The following MRPL55 variants were observed in gnomAD, a reference collection of about 807,000 sequenced individuals.
The protein encoded by MRPL55 is mitochondrial ribosomal protein L55.
MRPL55 carries 7 observed loss-of-function variants against 10.6 expected under a neutral mutation model. That is an observed-to-expected ratio of 0.66 (90% CI 0.38 to 1.24). The LOEUF is 1.24. Among genes scored for constraint, MRPL55 ranks in the 50% most tolerant of loss-of-function variants. The pLI is 0.02. For missense variants in MRPL55, 148 were observed against 180.3 expected, an observed-to-expected ratio of 0.82 and a Z score of 1.03; for synonymous variants, 57 against 71.8, an observed-to-expected ratio of 0.79 and a Z score of 1.04.
At position 228,108,216 on chromosome 1, in the gene MRPL55, C is replaced by A; in HGVS notation, c.26+19G>T. ...GGCCCCTGACAGTAATCCCCAGGGA[C>A]CTAAAAGTCCATGCTTACCCAAGCA... is the stretch of plus-strand genomic sequence containing the variant. On this transcript the variant is annotated intron_variant, in intron 3 of 4. Transcript: ENST00000336520. The A allele has an allele frequency of 6.2e-7, 1 of 1,609,426 alleles. No individual in the cohort carries two copies. The highest frequency in any genetic ancestry group is 8.5e-7 in the Non-Finnish European group (1 of 1,178,208).
rs148987410 is a variant in MRPL55, at chr1:228,108,700, G to A, written c.-59+255C>T. The A allele has an allele frequency of 4.9e-3, 885 of 182,036 alleles. 12 individuals carry two copies. The highest frequency in any genetic ancestry group is 0.019 in the African/African-American group (809 of 42,338). The allele number at this position is 182,036 out of a possible 1,614,324, so 11.3% of individuals were successfully genotyped here. ...GTGAGGATTGTCATGCTTGCTTAAA[G>A]GAGAATGGAGGCCCAGGGCTGCTTT... On this transcript the variant is annotated intron_variant, in intron 2 of 4. Coordinates refer to ENST00000336520, the MANE Select transcript of MRPL55 (RefSeq NM_181463.3).
chr1:228,109,118 CCT>C (rs1326838585), intron 1 of MRPL55, 29 bp downstream of exon 1: 2 of 152,580 alleles, frequency 1.3e-5, no homozygotes, highest in Admixed American at 1.3e-4. Context: ...GCGCCTCCCG[CCT>C]CTGTTCCCGG....
intron 3 of MRPL55, 177 bp downstream of exon 3, chr1:228,108,058 C>T: frequency 2.6e-6 from 4 of 1,540,822 alleles, no homozygotes; most frequent in Non-Finnish European, 3.5e-6. Flanking sequence ...GGCGTTCTGG[C>T]CCCCTAGCCA....
rs1044959052 is a variant in MRPL55 at position 228,109,254 on chromosome 1, T to C, written c.-231A>G. ...GACGAGGCCACGCAGGAGATCAAGGTACTCACTGCGTTGGGTGCTGCTGCG... is the reference window on the plus strand; with the variant it reads ...GACGAGGCCACGCAGGAGATCAAGGCACTCACTGCGTTGGGTGCTGCTGCG... On this transcript the variant is annotated 5_prime_UTR_variant, in exon 1 of 5. Coordinates refer to ENST00000336520, the MANE Select transcript of MRPL55 (RefSeq NM_181463.3). 13 of 152,538 alleles carry C rather than the reference T, an allele frequency of 8.5e-5. No individual in the cohort carries two copies. Among genetic ancestry groups the C allele is most frequent in the Admixed American group, 8.5e-4 (13 of 15,278 alleles). The allele number at this position is 152,538 out of a possible 1,614,324, so 9.4% of individuals were successfully genotyped here. A position where few individuals can be genotyped will look rare whatever the true frequency, so the allele number is the denominator to read the frequency against.
At chr1:228,108,711 G>A (rs1196380287) in intron 2 of MRPL55, 2 of 175,242 alleles carry the variant, frequency 1.1e-5, no homozygotes, top group African/African-American at 4.8e-5. Context: ...GAGAATGGAG[G>A]CCCAGGGCTG....
rs535504614 is a variant in MRPL55 at position 228,109,020 on chromosome 1, G to T, written c.-124C>A. ...GAAAGCTCCCTCTCCTTTCCTGCTA[G>T]ACTGCATGGGGACAAGGGCTTATCA... is the stretch of plus-strand genomic sequence containing the variant. On this transcript the variant is annotated splice_region_variant and 5_prime_UTR_variant, in exon 2 of 5. Coordinates refer to ENST00000336520, the MANE Select transcript of MRPL55 (RefSeq NM_181463.3). 7.4e-4 allele frequency: 113 copies of T among 152,752 alleles called. 2 individuals are homozygous for T. In the South Asian group the frequency reaches 0.021, roughly 29 times the overall value. 9.5% of individuals were successfully genotyped at this position (152,752 alleles called of 1,614,324 possible).
At position 228,108,279 on chromosome 1, in the gene MRPL55, T is replaced by G; in HGVS notation, c.-19A>C. ...CCGCCATTCCTCCTTACAGCCCCAG[T>G]GGCACGTGGAGGTGGTCAGTACAGG... On this transcript the variant is annotated 5_prime_UTR_variant, in exon 3 of 5. Coordinates refer to ENST00000336520, the MANE Select transcript of MRPL55 (RefSeq NM_181463.3). 6.2e-7 allele frequency: 1 copy of G among 1,609,976 alleles called. No homozygotes were observed. Among genetic ancestry groups the G allele is most frequent in the Non-Finnish European group, 8.5e-7 (1 of 1,178,442 alleles).
intron 3 of MRPL55, 62 bp from the exon 4 acceptor site, chr1:228,107,931 T>A (rs760059311): frequency 7.5e-6 from 12 of 1,591,370 alleles, no homozygotes; most frequent in Non-Finnish European, 1.0e-5. Context: ...CCAACATGAC[T>A]GAGGCTGGCT....
rs34055261 is a variant in MRPL55, at chr1:228,107,668, C to T, written c.228G>A (p.Ala76=). The part of the protein sequence containing the change: ...IRYREPRRML[A]MPIDLDTLSP... ...GAAGCACCTGGAGAGGGAAGCTTAC[C>T]GCCAGCATGCGCCGTGGCTCCCTGT... The change falls in exon 4 of 5, where the codon GCG becomes GCA. Residue 76 remains alanine (A), a splice_region_variant and synonymous_variant. Coordinates refer to ENST00000336520, the MANE Select transcript of MRPL55 (RefSeq NM_181463.3). 2.2e-3 allele frequency: 3,590 copies of T among 1,612,514 alleles called. 79 individuals are homozygous for T. In the African/African-American group the frequency reaches 0.042, roughly 19 times the overall value.
Position 228,106,925 on chromosome 1 carries a change from G to A in MRPL55, c.229-7C>T, listed in dbSNP as rs2033177638. ...TGTCCAGATCTATGGGCATCTGCAG[G>A]GGACAGACCAAGTTTCGTCCATGTG... On this transcript the variant is annotated splice_region_variant and splice_polypyrimidine_tract_variant and intron_variant, in intron 4 of 4. Transcript: ENST00000336520. The A allele has an allele frequency of 6.2e-7, 1 of 1,610,054 alleles. No homozygotes were observed. Among genetic ancestry groups the A allele is most frequent in the African/African-American group, 1.3e-5 (1 of 74,870 alleles).
At position 228,107,996 on chromosome 1, in the gene MRPL55, C is replaced by T. The variant is rs76046017; in HGVS notation, c.27-127G>A. ...CATTACCAGAGCTGGTGACCCGTGC[C>T]GGGGCAGGATGAGCCTCGGGGCTTC... On this transcript the variant is annotated intron_variant, in intron 3 of 4. Coordinates refer to ENST00000336520, the MANE Select transcript of MRPL55 (RefSeq NM_181463.3). 2,992 of 1,545,626 alleles carry T rather than the reference C, an allele frequency of 1.9e-3. 30 individuals carry two copies. In the African/African-American group the frequency reaches 0.023, roughly 12 times the overall value.
chr1:228,106,934 C>T lies in MRPL55; in HGVS notation c.229-16G>A. 6.2e-7 allele frequency: 1 copy of T among 1,605,876 alleles called. No individual in the cohort carries two copies. The highest frequency in any genetic ancestry group is 8.5e-7 in the Non-Finnish European group (1 of 1,174,818). ...CTATGGGCATCTGCAGGGGACAGACCAAGTTTCGTCCATGTGGATCGAGGG... is the reference window on the plus strand; with the variant it reads ...CTATGGGCATCTGCAGGGGACAGACTAAGTTTCGTCCATGTGGATCGAGGG... On this transcript the variant is annotated splice_polypyrimidine_tract_variant and intron_variant, in intron 4 of 4. Transcript: ENST00000336520.
chr1:228,107,748 G>A lies in MRPL55; in HGVS notation c.148C>T (p.Arg50Ter), dbSNP rs759317636. The A allele has an allele frequency of 1.4e-5, 22 of 1,613,160 alleles. No individual in the cohort carries two copies. The highest frequency in any genetic ancestry group is 2.2e-5 in the East Asian group (1 of 44,900). The change falls in exon 4 of 5, where the codon CGA becomes TGA. Residue 50 changes from arginine (R) to a stop codon, truncating the protein, a stop_gained. Coordinates refer to ENST00000336520, the MANE Select transcript of MRPL55 (RefSeq NM_181463.3). LOFTEE classifies it high-confidence loss of function. ...TTCACCAGCAGCACGGGGTAGAGTC[G>A]TGCATAAGCCTGGCGGTGCACACGA... is the stretch of plus-strand genomic sequence containing the variant. ...LTRVHRQAYA[R>*]LYPVLLVKQD...
intron 2 of MRPL55, 110 bp from the exon 3 acceptor site, chr1:228,108,428 G>C: frequency 1.4e-6 from 1 of 695,068 alleles, no homozygotes; most frequent in Non-Finnish European, 2.4e-6. Context: ...TAATCACCAC[G>C]CCACTCACCA....
intron 3 of MRPL55, 53 bp downstream of exon 3, chr1:228,108,182 C>G (rs973620600): frequency 2.7e-5 from 43 of 1,586,380 alleles, no homozygotes; most frequent in Non-Finnish European, 3.7e-5. Context: ...GAGAGGGGTT[C>G]CCTGGGGTGG....
intron 4 of MRPL55, among the ~76,000 whole-genome samples, chr1:228,107,373 G>A (rs573089153): frequency 6.6e-6 from 1 of 152,364 alleles, no homozygotes; most frequent in Non-Finnish European, 1.5e-5. Flanking sequence ...GCAGTGAACC[G>A]AGATCGTGCC....
chr1:228,108,672 G>C (rs45460992), intron 2 of MRPL55: 2,240 of 215,286 alleles, frequency 0.01, 22 homozygotes, highest in Middle Eastern at 0.027. Context: ...AAAACTCAGT[G>C]AAGTGAGGAT....
Position 228,107,010 on chromosome 1 carries a change from T to C in MRPL55, c.229-92A>G, listed in dbSNP as rs990962856. 1.9e-5 allele frequency: 18 copies of C among 928,782 alleles called. No individual in the cohort carries two copies. The African/African-American group carries it at 2.5e-4, about 13-fold the overall frequency. The allele number at this position is 928,782 out of a possible 1,614,324, so 57.5% of individuals were successfully genotyped here. Reference sequence around the variant, plus strand: ...CCCAAGGCCTTCCTCTCAACTTACGTCTTCCATCCTATGCTAGCTTAATTT... The same window carrying C: ...CCCAAGGCCTTCCTCTCAACTTACGCCTTCCATCCTATGCTAGCTTAATTT... On this transcript the variant is annotated intron_variant, in intron 4 of 4. Coordinates refer to ENST00000336520, the MANE Select transcript of MRPL55 (RefSeq NM_181463.3).
Position 228,107,887 on chromosome 1 carries a change from A to G in MRPL55, c.27-18T>C, listed in dbSNP as rs367939550. ...TCAGCCGGCTGCAGATAAATGTTCA[A>G]GCTCTGGTCAGCCGACAGTGCTGCA... On this transcript the variant is annotated intron_variant, in intron 3 of 4. Coordinates refer to ENST00000336520, the MANE Select transcript of MRPL55 (RefSeq NM_181463.3). 1.2e-6 allele frequency: 2 copies of G among 1,612,440 alleles called. No homozygotes were observed. The highest frequency in any genetic ancestry group is 1.7e-6 in the Non-Finnish European group (2 of 1,179,770).
Sources: gnomAD v4.1 joint callset for allele counts (sites outside exome capture counted in the v4.1 genomes callset) on GRCh38, gnomAD v4.1.1 for gene constraint, MANE v1.5 for transcripts, NCBI Gene and HGNC (gene_info 2026-07-23, HGNC 2026-07-21) for gene names.